PASD1: variants seen among roughly 807,000 people sequenced by gnomAD.
PASD1 encodes circadian clock protein PASD1.
A neutral mutation model predicts 58.8 loss-of-function variants in PASD1; 13 were observed. The ratio of observed to expected loss-of-function variants is 0.22; its 90% CI spans 0.14 to 0.35. The LOEUF (loss-of-function observed/expected upper bound fraction) is 0.35. Ranked by LOEUF, PASD1 falls within the 10% of genes least tolerant of loss-of-function variation. The pLI is 1.00. For missense variants in PASD1, 734 were observed against 568.3 expected (o/e 1.29, Z -2.96); for synonymous variants, 236 against 216.7 (o/e 1.09, Z -0.78).
At chrX:151,568,662 A>G (rs73626792) in intron 1 of PASD1, among the ~76,000 whole-genome samples, 2,162 of 111,545 alleles carry the variant, frequency 0.019, 45 homozygotes, top group African/African-American at 0.065. Flanking sequence ...ACTTGCTGCA[A>G]TATTTGTTGA....
chrX:151,595,494 G>A (rs918158730), intron 1 of PASD1, among the ~76,000 whole-genome samples: 12 of 110,401 alleles, frequency 1.1e-4, no homozygotes, highest in Admixed American at 1.9e-4. Context: ...TGAGGCGGGC[G>A]GATCACGAGG....
At chrX:151,657,158 G>A (rs1484210158) in intron 9 of PASD1, among the ~76,000 whole-genome samples, 3 of 111,774 alleles carry the variant, frequency 2.7e-5, no homozygotes, top group African/African-American at 6.5e-5. Context: ...GCTGGATTAC[G>A]TTTATTGATT....
chrX:151,671,592 G>A lies in PASD1; in HGVS notation c.1250G>A (p.Arg417His), dbSNP rs768638697. ...TTACAGAAGCAGCCAAACACATTAC[G>A]CCACGTTGTCATTCCTGATCTCCAA... The part of the protein sequence containing the change: ...DHLQKQPNTL[R>H]HVVIPDLQSS... The change falls in exon 13 of 16, where the codon CGC (arginine) becomes CAC (histidine). Residue 417 changes from arginine (R) to histidine (H), a missense_variant. Transcript: ENST00000370357. 13 of 1,209,437 alleles carry A rather than the reference G, an allele frequency of 1.1e-5. No homozygotes were observed. Among genetic ancestry groups the A allele is most frequent in the South Asian group, 5.3e-5 (3 of 56,799 alleles).
intron 15 of PASD1, among the ~76,000 whole-genome samples, chrX:151,674,738 C>T (rs998135409): frequency 1.8e-5 from 2 of 112,158 alleles, no homozygotes; most frequent in South Asian, 3.7e-4. Flanking sequence ...TTTTGCTCCC[C>T]GCAGGCCCCC....
intron 11 of PASD1, among the ~76,000 whole-genome samples, chrX:151,667,473 T>C (rs914503714): frequency 8.9e-6 from 1 of 112,171 alleles, no homozygotes; most frequent in African/African-American, 3.2e-5. Context: ...ATGTCCTGAA[T>C]GGTATTGCCT....
chrX:151,622,586 T>TACACAC (rs202044764), intron 6 of PASD1, among the ~76,000 whole-genome samples: 4,790 of 96,504 alleles, frequency 0.05, 125 homozygotes, highest in African/African-American at 0.088. Flanking sequence ...GTGCACAGAT[T>TACACAC]ACACACACAC....
At chrX:151,645,942 G>A (rs973828100) in intron 8 of PASD1, among the ~76,000 whole-genome samples, 1 of 36,069 alleles carries the variant, frequency 2.8e-5, no homozygotes, top group African/African-American at 9.0e-5. Context: ...TTCGGGTCTC[G>A]CTCTGTCATC....
At chrX:151,621,244 C>A (rs12556510) in intron 5 of PASD1, among the ~76,000 whole-genome samples, 14,864 of 111,151 alleles carry the variant, frequency 0.13, 1,233 homozygotes, top group African/African-American at 0.31. Flanking sequence ...AGTATTGTAG[C>A]ATTTGTACAA....
At chrX:151,675,066 T>G (rs980644466) in intron 15 of PASD1, among the ~76,000 whole-genome samples, 2 of 111,726 alleles carry the variant, frequency 1.8e-5, no homozygotes, top group Non-Finnish European at 3.8e-5. Flanking sequence ...CAAGCCAGAC[T>G]TTGTTGAGAA....
intron 11 of PASD1, among the ~76,000 whole-genome samples, chrX:151,669,262 G>GTA (rs1336640558): frequency 9.4e-6 from 1 of 105,925 alleles, no homozygotes; most frequent in Non-Finnish European, 1.9e-5. Context: ...TATGTATAGT[G>GTA]TATATATATA....
chrX:151,674,573 G>T (rs1228919208), intron 15 of PASD1, among the ~76,000 whole-genome samples: 2 of 112,424 alleles, frequency 1.8e-5, no homozygotes, highest in Non-Finnish European at 3.8e-5. Flanking sequence ...ATGTTTCCTT[G>T]TACTAAAAAT....
intron 8 of PASD1, among the ~76,000 whole-genome samples, chrX:151,627,931 T>C (rs1200546928): frequency 4.5e-5 from 5 of 112,159 alleles, no homozygotes; most frequent in Non-Finnish European, 7.5e-5. Context: ...GTTGTGGTTT[T>C]GATTTGCATT....
At chrX:151,625,633 C>A in intron 8 of PASD1, 103 bp downstream of exon 8, 1 of 665,629 alleles carries the variant, frequency 1.5e-6, no homozygotes, top group African/African-American at 2.5e-5. Context: ...TTTTTCCCAT[C>A]AAAATGAAAA....
intron 1 of PASD1, among the ~76,000 whole-genome samples, chrX:151,564,818 T>A (rs1435747001): frequency 9.1e-6 from 1 of 109,972 alleles, no homozygotes; most frequent in East Asian, 2.9e-4. Flanking sequence ...TTGCAGTGAG[T>A]CATGAATGAA....
chrX:151,639,043 T>C (rs750578378), intron 8 of PASD1, among the ~76,000 whole-genome samples: 1 of 112,319 alleles, frequency 8.9e-6, no homozygotes. Context: ...ACTGCTTTCA[T>C]GCCTACTTAT....
chrX:151,624,227 TAGG>T (rs1219598815), intron 7 of PASD1, among the ~76,000 whole-genome samples: 2 of 111,273 alleles, frequency 1.8e-5, no homozygotes, highest in African/African-American at 3.3e-5. Context: ...TAGAAGTGTC[TAGG>T]AGAAGGGAGA....
intron 1 of PASD1, among the ~76,000 whole-genome samples, chrX:151,582,402 C>T (rs1009790416): frequency 2.2e-4 from 24 of 111,417 alleles, no homozygotes; most frequent in Admixed American, 4.8e-4. Context: ...CTGCCTCAGC[C>T]TCCTGAGTAG....
rs2013463854 is a variant in PASD1 at position 151,604,696 on chromosome X, T to C, written c.79T>C (p.Phe27Leu). 2 of 1,207,862 alleles carry C rather than the reference T, an allele frequency of 1.7e-6. No homozygotes were observed. The highest frequency in any genetic ancestry group is 2.4e-4 in the Middle Eastern group (1 of 4,251). Residue 27 changes from phenylalanine (F) to leucine (L), a missense_variant, in exon 3 of 16, where the codon TTT becomes CTT. Phe to Leu is a conservative substitution (Grantham distance 22, BLOSUM62 0). Transcript: ENST00000370357. ...AAGGAAATTAAACTGGATTCCATCATTTCCTACCTATGATTACTTCAACCA... is the reference window on the plus strand; with the variant it reads ...AAGGAAATTAAACTGGATTCCATCACTTCCTACCTATGATTACTTCAACCA... The part of the protein sequence containing the change: ...SQRKLNWIPS[F>L]PTYDYFNQVT...
Position 151,673,947 on chromosome X carries a change from C to A in PASD1, c.1936C>A (p.Gln646Lys), listed in dbSNP as rs906468555. The A allele has an allele frequency of 3.3e-6, 4 of 1,209,738 alleles. No individual in the cohort carries two copies. Among genetic ancestry groups the A allele is most frequent in the Admixed American group, 4.4e-5 (2 of 45,798 alleles). ...ESQSFYPEAY[Q>K]GPPVNQLPLI... ...TTACAGTTTTTATCCTGAGGCGTAT[C>A]AAGGGCCCCCCGTGAACCAGCTGCC... Residue 646 changes from glutamine to lysine, a missense_variant, in exon 15 of 16, where the codon CAA (glutamine) becomes AAA (lysine). Transcript: ENST00000370357.
Sources: allele counts gnomAD v4.1 joint callset (sites outside exome capture counted in the v4.1 genomes callset), GRCh38; gene constraint gnomAD v4.1.1; transcripts MANE v1.5; gene names NCBI Gene and HGNC (gene_info 2026-07-23, HGNC 2026-07-21).